The following COL5A2 variants were observed in gnomAD, a reference collection of about 807,000 sequenced individuals.
COL5A2 encodes the protein collagen type V alpha 2 chain, also known as collagen alpha-2(V) chain.
A neutral mutation model predicts 208.2 loss-of-function variants in COL5A2; 23 were observed. That is an observed-to-expected ratio of 0.11 (90% CI 0.08 to 0.16). The LOEUF is 0.16. COL5A2 is among the 10% of genes least tolerant of loss of function. The pLI is 1.00. For missense variants in COL5A2, 1,590 were observed against 1,956.4 expected (o/e 0.81, Z 3.53); for synonymous variants, 625 against 628.5 (o/e 0.99, Z 0.08).
intron 1 of COL5A2, among the ~76,000 whole-genome samples, chr2:189,203,176 G>T (rs1429464618): frequency 6.6e-6 from 1 of 152,022 alleles, no homozygotes; most frequent in Non-Finnish European, 1.5e-5. Flanking sequence ...TAATATAATC[G>T]CCCTGCCTTA....
chr2:189,146,855 T>G (rs1576555509), intron 1 of COL5A2, among the ~76,000 whole-genome samples: 2 of 152,074 alleles, frequency 1.3e-5, no homozygotes, highest in African/African-American at 4.8e-5. Flanking sequence ...AATCAAATTT[T>G]CCCAAGTCAA....
At chr2:189,064,351 G>A (rs1197728501) in intron 25 of COL5A2, among the ~76,000 whole-genome samples, 3 of 152,054 alleles carry the variant, frequency 2.0e-5, no homozygotes, top group African/African-American at 4.8e-5. Flanking sequence ...CTTTGAGAGA[G>A]ACTAGAAGTT....
At chr2:189,186,177 T>C (rs1474444081) in intron 1 of COL5A2, among the ~76,000 whole-genome samples, 1 of 151,998 alleles carries the variant, frequency 6.6e-6, no homozygotes, top group Admixed American at 6.6e-5. Context: ...TTTAACATTT[T>C]TGTAGAGATG....
upstream of COL5A2, among the ~76,000 whole-genome samples, chr2:189,183,299 T>C (rs1688806457): frequency 6.6e-6 from 1 of 152,192 alleles, no homozygotes; most frequent in Non-Finnish European, 1.5e-5. Flanking sequence ...TTATGCCTCC[T>C]GCTTTGCTAG....
the COL5A2 span, among the ~76,000 whole-genome samples, chr2:189,240,104 T>A: frequency 2.0e-4 from 31 of 152,194 alleles, no homozygotes; most frequent in African/African-American, 7.5e-4. Context: ...TGAGCCAAAT[T>A]CAGCTTTAGG....
intron 1 of COL5A2, among the ~76,000 whole-genome samples, chr2:189,161,878 C>T (rs1688371385): frequency 6.6e-6 from 1 of 152,026 alleles, no homozygotes; most frequent in Non-Finnish European, 1.5e-5. Flanking sequence ...GGAAGTGCTA[C>T]CTTTTAGAGA....
At chr2:189,156,674 T>G (rs1412479540) in intron 1 of COL5A2, among the ~76,000 whole-genome samples, 1 of 152,140 alleles carries the variant, frequency 6.6e-6, no homozygotes, top group Non-Finnish European at 1.5e-5. Context: ...TATTTCTCTA[T>G]AGCCAAAAAT....
rs554074076 is a variant in COL5A2 at position 189,212,431 on chromosome 2, A to C, written c.-42+12717T>G. Reference sequence around the variant, plus strand: ...GGTGGGCTGATCAACTGAGGTCAGGAGTTCAAGACCAGCCTGATCAACATG... The same window carrying C: ...GGTGGGCTGATCAACTGAGGTCAGGCGTTCAAGACCAGCCTGATCAACATG... On this transcript the variant is annotated intron_variant, in intron 1 of 10. Coordinates refer to the COL5A2 transcript ENST00000649966. 2.0e-3 allele frequency among the ~76,000 whole-genome samples: 312 copies of C among 152,242 alleles called. 3 individuals are homozygous for C. The highest frequency in any genetic ancestry group is 3.8e-3 in the Non-Finnish European group (259 of 68,016).
the COL5A2 span, among the ~76,000 whole-genome samples, chr2:189,359,581 T>C: frequency 6.6e-6 from 1 of 152,190 alleles, no homozygotes; most frequent in African/African-American, 2.4e-5. Flanking sequence ...GTTAGCTTCA[T>C]AGAATGAGAA....
At chr2:189,169,997 G>A (rs558491232) in intron 1 of COL5A2, among the ~76,000 whole-genome samples, 5 of 152,318 alleles carry the variant, frequency 3.3e-5, no homozygotes, top group South Asian at 4.1e-4. Flanking sequence ...GATTACAGGC[G>A]TGAGCCACCA....
chr2:189,093,609 G>A (rs1285571823), intron 6 of COL5A2, among the ~76,000 whole-genome samples: 3 of 151,902 alleles, frequency 2.0e-5, no homozygotes, highest in Admixed American at 1.3e-4. Context: ...TGCAGTAGTG[G>A]GACAAACAAG....
At chr2:189,150,812 A>C (rs1017375939) in intron 1 of COL5A2, among the ~76,000 whole-genome samples, 2 of 152,180 alleles carry the variant, frequency 1.3e-5, no homozygotes, top group African/African-American at 4.8e-5. Flanking sequence ...TATTTAGTCC[A>C]ATTTCTTAGG....
chr2:189,201,969 G>C (rs981668689), intron 1 of COL5A2, among the ~76,000 whole-genome samples: 4 of 151,122 alleles, frequency 2.6e-5, no homozygotes, highest in African/African-American at 9.7e-5. Context: ...AATAAAAATA[G>C]AATAAAACTA....
chr2:189,320,849 C>G, the COL5A2 span, among the ~76,000 whole-genome samples: 2 of 152,078 alleles, frequency 1.3e-5, no homozygotes, highest in African/African-American at 4.8e-5. Context: ...AGAGCAACTC[C>G]AAGACACATA....
the COL5A2 span, among the ~76,000 whole-genome samples, chr2:189,394,143 T>C: frequency 6.6e-6 from 1 of 152,186 alleles, no homozygotes; most frequent in Non-Finnish European, 1.5e-5. Context: ...GGGACTATCC[T>C]TCTAGCAGAA....
chr2:189,228,430 G>A (rs555665366), upstream of COL5A2, among the ~76,000 whole-genome samples: 8 of 151,750 alleles, frequency 5.3e-5, no homozygotes, highest in East Asian at 1.9e-4. Flanking sequence ...GAAAAAAAGA[G>A]TGAAGACAAA....
the COL5A2 span, among the ~76,000 whole-genome samples, chr2:189,387,108 T>C: frequency 1.3e-5 from 2 of 152,172 alleles, no homozygotes; most frequent in South Asian, 2.1e-4. Context: ...ATATGGTACA[T>C]ATACATCATG....
intron 1 of COL5A2, among the ~76,000 whole-genome samples, chr2:189,213,823 C>G (rs1327197406): frequency 6.6e-6 from 1 of 152,164 alleles, no homozygotes; most frequent in Non-Finnish European, 1.5e-5. Context: ...CACAGTTCCT[C>G]TGCAGGAAAG....
the COL5A2 span, among the ~76,000 whole-genome samples, chr2:189,414,263 G>T: frequency 6.6e-6 from 1 of 152,104 alleles, no homozygotes; most frequent in Admixed American, 6.5e-5. Context: ...AGGAAAAATA[G>T]TAATTATCAA....
Sources: gnomAD v4.1 joint callset for allele counts (sites outside exome capture counted in the v4.1 genomes callset) on GRCh38, gnomAD v4.1.1 for gene constraint, MANE v1.5 for transcripts, NCBI Gene and HGNC (gene_info 2026-07-23, HGNC 2026-07-21) for gene names.